USP25: variants seen among roughly 807,000 people sequenced by gnomAD.
USP25 encodes the protein ubiquitin specific peptidase 25.
Under a neutral mutation model 158.5 loss-of-function variants are expected in USP25, and 85 were observed. That is an observed-to-expected ratio of 0.54 (90% CI 0.45 to 0.64). The LOEUF (loss-of-function observed/expected upper bound fraction) is 0.64. Among genes scored for constraint, USP25 ranks in the 30% least tolerant of loss-of-function variants. The pLI, the probability that USP25 is intolerant of heterozygous loss-of-function variation, is 0.00. For missense variants in USP25, 1,242 were observed against 1,327.3 expected, an observed-to-expected ratio of 0.94 and a Z score of 1.00; for synonymous variants, 464 against 460.4, an observed-to-expected ratio of 1.01 and a Z score of -0.10.
chr21:15,799,972 T>C, intron 6 of USP25, 129 bp downstream of exon 6: 1 of 464,804 alleles, frequency 2.2e-6, no homozygotes. Context: ...TTCATTAATC[T>C]TAGTTACCAT....
chr21:15,825,356 A>G (rs567649488), intron 12 of USP25, among the ~76,000 whole-genome samples: 26 of 152,232 alleles, frequency 1.7e-4, no homozygotes, highest in Middle Eastern at 3.4e-3. Context: ...ACTAAAGATT[A>G]CTCTTGAGAT....
At chr21:15,772,426 G>A (rs2034409234) in intron 3 of USP25, among the ~76,000 whole-genome samples, 1 of 152,184 alleles carries the variant, frequency 6.6e-6, no homozygotes, top group Non-Finnish European at 1.5e-5. Context: ...CTGTTCCCAT[G>A]TGTGTGCTGT....
In USP25 at chr21:15,825,030, T is replaced by C; in HGVS notation, c.1273T>C (p.Tyr425His). 6.2e-7 allele frequency: 1 copy of C among 1,611,808 alleles called. No individual in the cohort carries two copies. The highest frequency in any genetic ancestry group is 8.5e-7 in the Non-Finnish European group (1 of 1,178,932). Residue 425 changes from tyrosine (Y) to histidine (H), a missense_variant, in exon 12 of 26, where the codon TAC (tyrosine) becomes CAC (histidine). Physicochemically the swap from Tyr to His is moderately conservative, Grantham distance 83. Transcript: ENST00000400183. Reference sequence around the variant, plus strand: ...GGAAGAGATCAAGAGACTGAAAGATTACCTCACGGTATTACAACAAAGGCT... The same window carrying C: ...GGAAGAGATCAAGAGACTGAAAGATCACCTCACGGTATTACAACAAAGGCT... ...KREEIKRLKD[Y>H]LTVLQQRLER...
intron 9 of USP25, among the ~76,000 whole-genome samples, chr21:15,815,622 C>T (rs1229483593): frequency 6.6e-6 from 1 of 152,138 alleles, no homozygotes. Context: ...TTTGACTGCC[C>T]TGTTGGATTT....
At chr21:15,865,503 G>A (rs112394917) in intron 21 of USP25, among the ~76,000 whole-genome samples, 13 of 152,206 alleles carry the variant, frequency 8.5e-5, no homozygotes, top group Admixed American at 2.0e-4. Context: ...TGAATGCTCA[G>A]TGAATGTTGG....
intron 17 of USP25, among the ~76,000 whole-genome samples, chr21:15,833,856 A>C (rs897583434): frequency 6.6e-6 from 1 of 152,204 alleles, no homozygotes; most frequent in African/African-American, 2.4e-5. Flanking sequence ...GAAATCAGCA[A>C]GAAACCCAAA....
chr21:15,830,604 A>G lies in USP25; in HGVS notation c.1764+3A>G. On this transcript the variant is annotated splice_donor_region_variant and intron_variant, in intron 15 of 25. Transcript: ENST00000400183. ...ACTCTGACAAATCTATGATACAAGTAAGTGAAATTTTGAGCTAGTAATCAT... is the reference window on the plus strand; with the variant it reads ...ACTCTGACAAATCTATGATACAAGTGAGTGAAATTTTGAGCTAGTAATCAT... 1 of 1,585,492 alleles carries G rather than the reference A, an allele frequency of 6.3e-7. No individual in the cohort carries two copies. Among genetic ancestry groups the G allele is most frequent in the Non-Finnish European group, 8.6e-7 (1 of 1,165,978 alleles).
intron 1 of USP25, 147 bp from the exon 2 acceptor site, chr21:15,762,744 C>T: frequency 1.6e-6 from 1 of 620,040 alleles, no homozygotes; most frequent in Non-Finnish European, 2.7e-6. Flanking sequence ...GTTGTTTGGC[C>T]TTTCTCAAGT....
chr21:15,756,916 A>G (rs2033415016), intron 1 of USP25, among the ~76,000 whole-genome samples: 1 of 152,186 alleles, frequency 6.6e-6, no homozygotes, highest in African/African-American at 2.4e-5. Flanking sequence ...AGAGCCCAGA[A>G]GAGGAGCTCT....
intron 14 of USP25, 50 bp downstream of exon 14, chr21:15,827,253 T>C (rs752558132): frequency 1.2e-5 from 16 of 1,390,456 alleles, no homozygotes; most frequent in Non-Finnish European, 1.4e-5. Flanking sequence ...TGGATATGTG[T>C]AATGTTAATA....
chr21:15,866,135 G>T (rs16990739), intron 21 of USP25, 131 bp from the exon 22 acceptor site: 6 of 416,032 alleles, frequency 1.4e-5, no homozygotes, highest in Admixed American at 4.5e-5. Flanking sequence ...GGTTATTTAG[G>T]AGTTGTTTCT....
intron 20 of USP25, among the ~76,000 whole-genome samples, chr21:15,851,713 A>G (rs942346744): frequency 6.6e-6 from 1 of 151,960 alleles, no homozygotes; most frequent in African/African-American, 2.4e-5. Flanking sequence ...GATTTAGTTC[A>G]AAGCTGTCCA....
At chr21:15,814,543 A>C (rs527523669) in intron 9 of USP25, among the ~76,000 whole-genome samples, 217 of 152,344 alleles carry the variant, frequency 1.4e-3, no homozygotes, top group Middle Eastern at 0.014. Flanking sequence ...AATAAGGTCC[A>C]GGCTGAGGTG....
At position 15,864,323 on chromosome 21, in the gene USP25, C is replaced by A; in HGVS notation, c.2603C>A (p.Pro868Gln). Residue 868 changes from proline (P) to glutamine (Q), a missense_variant, in exon 21 of 26, where the codon CCA (proline) becomes CAA (glutamine). Physicochemically the swap from Pro to Gln is moderately conservative, Grantham distance 76. Coordinates refer to ENST00000400183, the MANE Select transcript of USP25 (RefSeq NM_001283041.3). The part of the protein sequence containing the change: ...LVKLAQEDTP[P>Q]ETDYRLHHVV... The stretch of plus-strand genomic sequence containing the variant: ...AAGTTGGCCCAAGAAGACACCCCAC[C>A]AGAAACCGATTATCGTTTACATCAT... The A allele has an allele frequency of 6.2e-7, 1 of 1,612,658 alleles. No individual in the cohort carries two copies. The highest frequency in any genetic ancestry group is 8.5e-7 in the Non-Finnish European group (1 of 1,179,600).
chr21:15,748,008 T>C (rs2123285142), intron 1 of USP25, among the ~76,000 whole-genome samples: 1 of 152,362 alleles, frequency 6.6e-6, no homozygotes, highest in South Asian at 2.1e-4. Flanking sequence ...TGAACTTCCA[T>C]GTCCTGTTTC....
intron 4 of USP25, among the ~76,000 whole-genome samples, chr21:15,778,648 T>C (rs968163940): frequency 2.0e-5 from 3 of 152,158 alleles, no homozygotes; most frequent in Admixed American, 2.0e-4. Context: ...TTTCATTTAA[T>C]AACCAAAACT....
At chr21:15,814,445 A>G (rs1481351049) in intron 9 of USP25, among the ~76,000 whole-genome samples, 2 of 152,146 alleles carry the variant, frequency 1.3e-5, no homozygotes, top group African/African-American at 4.8e-5. Context: ...TGAAGGGCTC[A>G]GAAGAAGATA....
chr21:15,864,027 ACTT>A (rs1388002615), intron 20 of USP25, among the ~76,000 whole-genome samples: 4 of 134,134 alleles, frequency 3.0e-5, no homozygotes, highest in Non-Finnish European at 6.3e-5. Flanking sequence ...AGAGTGGGAG[ACTT>A]CTTTTTTTTT....
chr21:15,762,642 T>C (rs567002520), intron 1 of USP25, among the ~76,000 whole-genome samples: 2 of 152,270 alleles, frequency 1.3e-5, no homozygotes, highest in African/African-American at 2.4e-5. Context: ...GTAAGACTTA[T>C]TGGGGAGTAA....
Sources: gnomAD v4.1 joint callset for allele counts (sites outside exome capture counted in the v4.1 genomes callset) on GRCh38, gnomAD v4.1.1 for gene constraint, MANE v1.5 for transcripts, NCBI Gene and HGNC (gene_info 2026-07-23, HGNC 2026-07-21) for gene names.